The following NBPF3 variants were observed in gnomAD, a reference collection of about 807,000 sequenced individuals.
NBPF3 encodes the protein NBPF family member NBPF3.
NBPF3 carries 57 observed loss-of-function variants against 78.1 expected under a neutral mutation model. That is an observed-to-expected ratio of 0.73 (90% CI 0.59 to 0.91). The LOEUF (loss-of-function observed/expected upper bound fraction) is 0.91. Among genes scored for constraint, NBPF3 ranks in the 40% least tolerant of loss-of-function variants. The probability of loss-of-function intolerance (pLI) is 0.00; values close to 1 mark genes in which losing one functional copy is unlikely to be tolerated. For synonymous variants in NBPF3, 182 were observed against 271.7 expected, an observed-to-expected ratio of 0.67 and a Z score of 3.25; for missense variants, 510 against 715.3, an observed-to-expected ratio of 0.71 and a Z score of 3.27.
At chr1:21,457,904 A>G (rs1641722225) in intron 2 of NBPF3, among the ~76,000 whole-genome samples, 1 of 152,348 alleles carries the variant, frequency 6.6e-6, no homozygotes, top group East Asian at 1.9e-4. Context: ...GCAACTGATT[A>G]CAGGGAAAAG....
intron 8 of NBPF3, among the ~76,000 whole-genome samples, chr1:21,477,375 A>T (rs1642939285): frequency 6.6e-6 from 1 of 152,182 alleles, no homozygotes. Context: ...TAGAATTTTC[A>T]GCTTTTCTGC....
chr1:21,437,309 G>A, upstream of NBPF3: 1 of 407,206 alleles, frequency 2.5e-6, no homozygotes, highest in Non-Finnish European at 4.4e-6. Flanking sequence ...GTCTGGCATC[G>A]GTGGGTGGGT....
At position 21,470,718 on chromosome 1, in the gene NBPF3, C is replaced by A. The variant is rs1339651598; in HGVS notation, c.430C>A (p.Gln144Lys). Reference protein sequence around the residue: ...TEEKLAEELGQAEELRQYKVL... With the variant: ...TEEKLAEELGKAEELRQYKVL... ...AGAGAAGCTTGCAGAGGAGCTCGGG[C>A]AAGCTGAGGAGCTCAGGTGAGTGGG... is the stretch of plus-strand genomic sequence containing the variant. Residue 144 changes from glutamine (Q) to lysine (K), a missense_variant, in exon 4 of 15, where the codon CAA (glutamine) becomes AAA (lysine). By Grantham distance (53) the Gln-to-Lys change is moderately conservative. Coordinates refer to ENST00000318249, the MANE Select transcript of NBPF3 (RefSeq NM_032264.6). The A allele has an allele frequency of 3.8e-6, 6 of 1,598,386 alleles. No homozygotes were observed. The highest frequency in any genetic ancestry group is 5.1e-6 in the Non-Finnish European group (6 of 1,169,976).
upstream of NBPF3, chr1:21,439,981 G>A (rs1640521894): frequency 6.6e-6 from 1 of 152,376 alleles, no homozygotes; most frequent in East Asian, 1.9e-4. Context: ...TCCTTTTCTC[G>A]GCCCGCAGGG....
rs1160087291 is a variant in NBPF3, at chr1:21,483,149, C to T, written c.1665C>T (p.Asn555=). 6.8e-6 allele frequency: 11 copies of T among 1,611,404 alleles called. No homozygotes were observed. The highest frequency in any genetic ancestry group is 1.7e-5 in the Admixed American group (1 of 59,634). Residue 555 remains asparagine, a synonymous_variant, in exon 15 of 15, where the codon AAC becomes AAT. Transcript: ENST00000318249. ...GTTTTGTCTCCTTTTCCAGGCTCAA[C>T]GAGGTGCTGATGGAAGCAGAAGAGC... ...EDQKPPCPRL[N]EVLMEAEEPE...
At chr1:21,453,116 C>G (rs1253800610) in intron 2 of NBPF3, among the ~76,000 whole-genome samples, 2 of 152,198 alleles carry the variant, frequency 1.3e-5, no homozygotes, top group Non-Finnish European at 2.9e-5. Flanking sequence ...CTGTCTCATG[C>G]CACTCGGGGC....
At chr1:21,461,498 GTC>G (rs1327615085) in intron 2 of NBPF3, among the ~76,000 whole-genome samples, 2 of 152,148 alleles carry the variant, frequency 1.3e-5, no homozygotes, top group Non-Finnish European at 2.9e-5. Flanking sequence ...TTGAGATGGA[GTC>G]TCACTCTGTC....
intron 2 of NBPF3, among the ~76,000 whole-genome samples, chr1:21,447,613 C>T (rs1255798901): frequency 2.0e-5 from 3 of 152,134 alleles, no homozygotes; most frequent in Non-Finnish European, 2.9e-5. Context: ...AATCATATTT[C>T]GTTGTATGGC....
Position 21,442,000 on chromosome 1 carries a change from G to C in NBPF3, c.-140+1652G>C, listed in dbSNP as rs1302068608. Among the ~76,000 whole-genome samples, 4 of 152,262 alleles carry C rather than the reference G, an allele frequency of 2.6e-5. No individual in the cohort carries two copies. In the South Asian group the frequency reaches 8.3e-4, roughly 32 times the overall value. On this transcript the variant is annotated intron_variant, in intron 1 of 14. Coordinates refer to ENST00000318249, the MANE Select transcript of NBPF3 (RefSeq NM_032264.6). ...ATCAGTGTGGTTTCATTGAGATTGA[G>C]TATCTTTTATTGCCATTTATGTGTC...
In NBPF3 at chr1:21,478,184, T is replaced by A. The variant is rs749842729; in HGVS notation, c.1033T>A (p.Ser345Thr). The part of the protein sequence containing the change: ...ESEEEEAPQE[S>T]WDEGDWTLSI... ...TGAAGAGGAGGAAGCCCCCCAGGAG[T>A]CCTGGGATGAAGGTGATTGGACTCT... Residue 345 changes from serine to threonine, a missense_variant, in exon 9 of 15, where the codon TCC becomes ACC. Around this residue, in one of 5 missense-constraint regions of NBPF3, gnomAD observed 440 missense variants for 478.2 expected, o/e 0.92. Transcript: ENST00000318249. 6.2e-7 allele frequency: 1 copy of A among 1,613,822 alleles called. No homozygotes were observed. The highest frequency in any genetic ancestry group is 8.5e-7 in the Non-Finnish European group (1 of 1,179,988).
intron 2 of NBPF3, among the ~76,000 whole-genome samples, chr1:21,448,427 C>T (rs1447534382): frequency 4.6e-5 from 7 of 151,972 alleles, no homozygotes; most frequent in Admixed American, 2.0e-4. Flanking sequence ...CCTTCATGGA[C>T]GATCAGTGGA....
intron 6 of NBPF3, 27 bp downstream of exon 6, chr1:21,472,942 A>C (rs1436833871): frequency 6.5e-7 from 1 of 1,529,614 alleles, no homozygotes; most frequent in Non-Finnish European, 9.1e-7. Flanking sequence ...GGGAGCAAGT[A>C]ATGGGTGGTA....
At chr1:21,437,370 G>A (rs1640445726), upstream of NBPF3, 2 of 656,666 alleles carry the variant, frequency 3.0e-6, no homozygotes, top group South Asian at 2.0e-5. Context: ...AGGGCTCAGA[G>A]GGTGGTGAGA....
At chr1:21,473,056 C>T in intron 6 of NBPF3, 141 bp downstream of exon 6, 1 of 746,826 alleles carries the variant, frequency 1.3e-6, no homozygotes, top group Admixed American at 2.2e-5. Flanking sequence ...CCAGCTTGGA[C>T]ACAGGGTGTG....
At chr1:21,448,576 A>G (rs190074110) in intron 2 of NBPF3, among the ~76,000 whole-genome samples, 13 of 152,282 alleles carry the variant, frequency 8.5e-5, no homozygotes, top group Non-Finnish European at 1.3e-4. Flanking sequence ...GCCAGACGTC[A>G]GGGGGGTTTT....
intron 2 of NBPF3, among the ~76,000 whole-genome samples, chr1:21,457,360 A>G (rs539616518): frequency 7.2e-5 from 7 of 97,568 alleles, no homozygotes; most frequent in African/African-American, 2.6e-4. Context: ...ATATATATAT[A>G]TATGTATGTA....
Position 21,440,220 on chromosome 1 carries a change from C to G in NBPF3, c.-268C>G, listed in dbSNP as rs925154364. On this transcript the variant is annotated 5_prime_UTR_variant, in exon 1 of 15. Coordinates refer to ENST00000318249, the MANE Select transcript of NBPF3 (RefSeq NM_032264.6). ...GATCCCGAGACTGAGTGAGCTTCTG[C>G]GCGCGGTGCTTTTGGGAACGCGGGA... 10 of 152,218 alleles carry G rather than the reference C, an allele frequency of 6.6e-5. No homozygotes were observed. The highest frequency in any genetic ancestry group is 2.4e-4 in the African/African-American group (10 of 41,436). 9.4% of individuals were successfully genotyped at this position (152,218 alleles called of 1,614,324 possible). A position where few individuals can be genotyped will look rare whatever the true frequency, so the allele number is the denominator to read the frequency against.
At chr1:21,437,347 C>A, upstream of NBPF3, 1 of 495,230 alleles carries the variant, frequency 2.0e-6, no homozygotes, top group Non-Finnish European at 3.4e-6. Flanking sequence ...TTGTCCGGGA[C>A]CCCAGGGAGG....
intron 2 of NBPF3, among the ~76,000 whole-genome samples, chr1:21,446,758 T>A (rs1230474276): frequency 6.6e-6 from 1 of 152,082 alleles, no homozygotes; most frequent in East Asian, 1.9e-4. Flanking sequence ...CCAGTAGCCC[T>A]TAGCTCTTCC....
Sources: gnomAD v4.1 joint callset for allele counts (sites outside exome capture counted in the v4.1 genomes callset) on GRCh38, gnomAD v4.1.1 for gene constraint, gnomAD v4.1.1 regional missense constraint, MANE v1.5 for transcripts, NCBI Gene and HGNC (gene_info 2026-07-23, HGNC 2026-07-21) for gene names.